Variants in CSMD1 observed in about 807,000 individuals in gnomAD.
CSMD1 encodes CUB and Sushi multiple domains 1.
Under a neutral mutation model 417.5 loss-of-function variants are expected in CSMD1, and 213 were observed. That is an observed-to-expected ratio of 0.51 (90% CI 0.46 to 0.57). The LOEUF (loss-of-function observed/expected upper bound fraction) is 0.57, where lower values mean the gene tolerates loss of function less well. CSMD1 is among the 20% of genes least tolerant of loss of function. CSMD1 has a pLI of 0.00. For missense variants in CSMD1, 6,923 were observed against 4,529.7 expected (o/e 1.53, Z -15.17); for synonymous variants, 2,862 against 1,736.8 (o/e 1.65, Z -16.11).
chr8:3,863,654 C>G (rs537279899), intron 5 of CSMD1, among the ~76,000 whole-genome samples: 6 of 152,244 alleles, frequency 3.9e-5, no homozygotes, highest in East Asian at 1.9e-4. Flanking sequence ...TACAAATATT[C>G]TAACACACAC....
chr8:3,837,263 T>A (rs1463717121), intron 5 of CSMD1, among the ~76,000 whole-genome samples: 1 of 152,150 alleles, frequency 6.6e-6, no homozygotes, highest in African/African-American at 2.4e-5. Context: ...CTTTGTAATA[T>A]CATTTTATTA....
intron 33 of CSMD1, among the ~76,000 whole-genome samples, chr8:3,198,197 A>C (rs970384887): frequency 1.3e-5 from 2 of 152,190 alleles, no homozygotes; most frequent in Non-Finnish European, 2.9e-5. Context: ...TTTGCATGCA[A>C]TATATTGTCT....
intron 2 of CSMD1, among the ~76,000 whole-genome samples, chr8:4,450,942 C>T (rs550630458): frequency 1.3e-5 from 2 of 152,042 alleles, no homozygotes; most frequent in East Asian, 3.9e-4. Context: ...ATAAAAGAAC[C>T]CATACAACTA....
intron 1 of CSMD1, among the ~76,000 whole-genome samples, chr8:4,867,965 A>AC (rs923305802): frequency 1.7e-4 from 4 of 23,694 alleles, no homozygotes; most frequent in Non-Finnish European, 4.0e-4. Flanking sequence ...TGCCTTAGAT[A>AC]TTTACACGTT....
chr8:4,956,800 T>C (rs1417120070), intron 1 of CSMD1, among the ~76,000 whole-genome samples: 1 of 152,152 alleles, frequency 6.6e-6, no homozygotes, highest in African/African-American at 2.4e-5. Flanking sequence ...CCACTTAGAT[T>C]TTCTCCTCCC....
intron 5 of CSMD1, among the ~76,000 whole-genome samples, chr8:3,846,208 C>T (rs899759242): frequency 3.9e-5 from 6 of 152,252 alleles, no homozygotes; most frequent in African/African-American, 1.2e-4. Flanking sequence ...ACACACTATA[C>T]GTTTGTTGCC....
intron 26 of CSMD1, among the ~76,000 whole-genome samples, chr8:3,249,821 G>C (rs189710375): frequency 8.1e-4 from 123 of 152,228 alleles, no homozygotes; most frequent in Middle Eastern, 3.4e-3. Context: ...TTGCAATTTA[G>C]TGATGTTTAT....
chr8:2,984,931 A>G (rs936056154), intron 54 of CSMD1, among the ~76,000 whole-genome samples: 16 of 152,254 alleles, frequency 1.1e-4, no homozygotes, highest in African/African-American at 3.9e-4. Context: ...TTACATACCC[A>G]ACTTAAAAAA....
In CSMD1 at chr8:3,069,156, C is replaced by A. The variant is rs1409513758; in HGVS notation, c.7475-16509G>T. 3.3e-5 allele frequency among the ~76,000 whole-genome samples: 5 copies of A among 152,200 alleles called. No homozygotes were observed. The East Asian group carries it at 7.8e-4, about 24-fold the overall frequency. ...AATTGGCCAAGAGAAAGGGGCTGGGCCGGGCGCAGTGACTCACACCTGTAA... is the reference window on the plus strand; with the variant it reads ...AATTGGCCAAGAGAAAGGGGCTGGGACGGGCGCAGTGACTCACACCTGTAA... On this transcript the variant is annotated intron_variant, in intron 49 of 69. Coordinates refer to ENST00000635120, the MANE Select transcript of CSMD1 (RefSeq NM_033225.6).
At chr8:3,661,027 G>A (rs1798392141) in intron 7 of CSMD1, among the ~76,000 whole-genome samples, 1 of 152,202 alleles carries the variant, frequency 6.6e-6, no homozygotes, top group South Asian at 2.1e-4. Context: ...TTGGTATGCG[G>A]ATGCTTCCTG....
intron 3 of CSMD1, among the ~76,000 whole-genome samples, chr8:4,114,703 A>C (rs1366316112): frequency 6.6e-6 from 1 of 152,210 alleles, no homozygotes; most frequent in Non-Finnish European, 1.5e-5. Flanking sequence ...TCAAAATTTC[A>C]AAATGAATAG....
intron 5 of CSMD1, among the ~76,000 whole-genome samples, chr8:3,827,100 A>G (rs1036844201): frequency 6.6e-6 from 1 of 152,178 alleles, no homozygotes; most frequent in Non-Finnish European, 1.5e-5. Flanking sequence ...TATCTTCTCT[A>G]TTTTAGATGT....
intron 1 of CSMD1, among the ~76,000 whole-genome samples, chr8:4,688,325 G>C (rs571480177): frequency 6.6e-6 from 1 of 152,118 alleles, no homozygotes; most frequent in Non-Finnish European, 1.5e-5. Context: ...TGGGATGCAG[G>C]TCAAGTCACC....
chr8:4,843,144 G>T (rs541497935), intron 1 of CSMD1, among the ~76,000 whole-genome samples: 4 of 152,166 alleles, frequency 2.6e-5, no homozygotes, highest in Admixed American at 2.0e-4. Context: ...CATGCCCAAG[G>T]GTACACTACC....
At chr8:4,479,942 G>A (rs1374140302) in intron 2 of CSMD1, among the ~76,000 whole-genome samples, 7 of 150,390 alleles carry the variant, frequency 4.7e-5, no homozygotes, top group African/African-American at 1.7e-4. Context: ...TTCCAGCCTG[G>A]GTGACACAGC....
intron 1 of CSMD1, among the ~76,000 whole-genome samples, chr8:4,858,624 GACAA>G (rs1418777925): frequency 5.3e-5 from 8 of 152,032 alleles, no homozygotes; most frequent in African/African-American, 1.9e-4. Flanking sequence ...ACCAACAACA[GACAA>G]ACAGAGAGCC....
At position 3,327,031 on chromosome 8, in the gene CSMD1, A is replaced by G. The variant is rs200234863; in HGVS notation, c.3631+16263T>C. ...ACTCTCCACTAAAAGGAAAAAAAAA[A>G]GACAAAAAATAAAAACAAGTGGAAA... On this transcript the variant is annotated intron_variant, in intron 23 of 69. Transcript: ENST00000635120. Among the ~76,000 whole-genome samples the G allele has an allele frequency of 1.1e-4, 17 of 152,266 alleles. No individual in the cohort carries two copies. The East Asian group carries it at 3.3e-3, about 29-fold the overall frequency.
intron 7 of CSMD1, among the ~76,000 whole-genome samples, chr8:3,684,188 A>G (rs1799814854): frequency 1.1e-5 from 1 of 92,722 alleles, no homozygotes; most frequent in Non-Finnish European, 2.0e-5. Flanking sequence ...GTTACATGTA[A>G]TATATATAAC....
Position 4,971,491 on chromosome 8 carries a change from T to A in CSMD1, c.85+22841A>T, listed in dbSNP as rs57723125. ...AGACAGGTGGTATTTGCCATAATTA[T>A]TATAAAACTAAGGAAATGATGAAGA... On this transcript the variant is annotated intron_variant, in intron 1 of 69. Transcript: ENST00000635120. Among the ~76,000 whole-genome samples, 595 of 152,156 alleles carry A rather than the reference T, an allele frequency of 3.9e-3. 6 individuals carry two copies. Among genetic ancestry groups the A allele is most frequent in the African/African-American group, 0.013 (550 of 41,556 alleles).
Sources: gnomAD v4.1 joint callset for allele counts (sites outside exome capture counted in the v4.1 genomes callset) on GRCh38, gnomAD v4.1.1 for gene constraint, MANE v1.5 for transcripts, NCBI Gene and HGNC (gene_info 2026-07-23, HGNC 2026-07-21) for gene names.